Variants in STXBP4 observed in about 807,000 individuals in gnomAD.
The protein encoded by STXBP4 is syntaxin-binding protein 4.
In STXBP4, 55 loss-of-function variants were observed where a neutral mutation model predicts 76.1. The observed-to-expected ratio is 0.72, with a 90% confidence interval of 0.58 to 0.91. STXBP4 has a LOEUF of 0.91. Ranked by LOEUF, STXBP4 falls within the 40% of genes least tolerant of loss-of-function variation. The pLI is 0.00. For synonymous variants in STXBP4, 201 were observed against 220.2 expected (o/e 0.91, Z 0.77); for missense variants, 618 against 636.9 (o/e 0.97, Z 0.32).
chr17:55,104,589 TG>T (rs1183462473), intron 16 of STXBP4, among the ~76,000 whole-genome samples: 1 of 152,060 alleles, frequency 6.6e-6, no homozygotes, highest in East Asian at 1.9e-4. Flanking sequence ...TAAATTTTTT[TG>T]TTGTTGTTGT....
At chr17:55,071,464 C>T (rs745514776) in intron 12 of STXBP4, among the ~76,000 whole-genome samples, 3 of 152,138 alleles carry the variant, frequency 2.0e-5, no homozygotes, top group Admixed American at 6.6e-5. Flanking sequence ...GCAAACTGTT[C>T]GCTCTTCCTA....
chr17:54,995,143 C>A (rs186172916), intron 4 of STXBP4, among the ~76,000 whole-genome samples: 1 of 152,284 alleles, frequency 6.6e-6, no homozygotes, highest in East Asian at 1.9e-4. Context: ...ACTGTGGTGC[C>A]TGACACATAC....
At chr17:55,083,652 C>G (rs1361895806) in intron 16 of STXBP4, among the ~76,000 whole-genome samples, 1 of 152,172 alleles carries the variant, frequency 6.6e-6, no homozygotes, top group Non-Finnish European at 1.5e-5. Context: ...TCTGATGACT[C>G]TACTGGGCTG....
chr17:55,064,597 G>T (rs1175174575), intron 12 of STXBP4, among the ~76,000 whole-genome samples: 2 of 152,072 alleles, frequency 1.3e-5, no homozygotes, highest in African/African-American at 4.8e-5. Flanking sequence ...GGGTTCAAGC[G>T]ATTCTACTGC....
intron 16 of STXBP4, among the ~76,000 whole-genome samples, chr17:55,111,360 G>T (rs189553274): frequency 3.3e-5 from 5 of 152,018 alleles, no homozygotes; most frequent in Non-Finnish European, 7.4e-5. Flanking sequence ...TAGTGTTTTT[G>T]TAGTTCTTTA....
intron 7 of STXBP4, among the ~76,000 whole-genome samples, chr17:55,006,639 T>TA (rs2078012285): frequency 6.6e-6 from 1 of 152,188 alleles, no homozygotes. Flanking sequence ...TGAGAAGATG[T>TA]AGAAAAATGG....
At chr17:55,177,105 C>A (rs1271425980), downstream of STXBP4, among the ~76,000 whole-genome samples, 2 of 152,194 alleles carry the variant, frequency 1.3e-5, no homozygotes, top group African/African-American at 4.8e-5. Flanking sequence ...TCACACAAAC[C>A]AATTCCCATA....
downstream of STXBP4, among the ~76,000 whole-genome samples, chr17:55,178,194 G>A (rs1256402768): frequency 6.6e-6 from 1 of 152,154 alleles, no homozygotes; most frequent in Non-Finnish European, 1.5e-5. Context: ...AAGAAATAAA[G>A]TAGCAAAAGC....
chr17:55,017,685 A>G (rs11079149), intron 8 of STXBP4, among the ~76,000 whole-genome samples: 53,731 of 152,074 alleles, frequency 0.35, 10,553 homozygotes, highest in East Asian at 0.54. Context: ...TCAACTGGCT[A>G]AAGCCGGGAG....
intron 1 of STXBP4, among the ~76,000 whole-genome samples, chr17:54,982,691 G>A (rs1004447413): frequency 2.0e-5 from 3 of 151,714 alleles, no homozygotes; most frequent in Admixed American, 2.0e-4. Flanking sequence ...TTGCAAGTTT[G>A]TATAAAGAGA....
chr17:55,123,844 G>A (rs2079874475), intron 16 of STXBP4, among the ~76,000 whole-genome samples: 1 of 151,530 alleles, frequency 6.6e-6, no homozygotes, highest in South Asian at 2.1e-4. Flanking sequence ...AGGTTGCAGT[G>A]AGCCGAGATT....
intron 12 of STXBP4, among the ~76,000 whole-genome samples, chr17:55,068,650 A>G (rs770610838): frequency 2.6e-5 from 4 of 152,132 alleles, no homozygotes; most frequent in East Asian, 1.9e-4. Flanking sequence ...GTGATTATGT[A>G]TATTTTTTCA....
At chr17:55,177,932 C>G (rs1201328666), downstream of STXBP4, among the ~76,000 whole-genome samples, 1 of 152,194 alleles carries the variant, frequency 6.6e-6, no homozygotes, top group East Asian at 1.9e-4. Flanking sequence ...ATTATGGCAA[C>G]CTGGAGTTGT....
At chr17:55,194,857 T>C in the STXBP4 span, among the ~76,000 whole-genome samples, 1 of 152,148 alleles carries the variant, frequency 6.6e-6, no homozygotes, top group African/African-American at 2.4e-5. Flanking sequence ...ACCATTTACA[T>C]AGAAGATCAT....
At chr17:55,133,328 G>A in intron 16 of STXBP4, among the ~76,000 whole-genome samples, 1 of 152,146 alleles carries the variant, frequency 6.6e-6, no homozygotes, top group South Asian at 2.1e-4. Context: ...GGGGAGAGCT[G>A]AGAGGCGAGG....
chr17:55,110,857 T>C (rs2079703946), intron 16 of STXBP4, among the ~76,000 whole-genome samples: 1 of 152,218 alleles, frequency 6.6e-6, no homozygotes, highest in Admixed American at 6.5e-5. Context: ...GACTTGGTTA[T>C]AGACTGTCTT....
At chr17:55,141,179 C>A in intron 16 of STXBP4, 131 bp from the exon 17 acceptor site, 1 of 726,110 alleles carries the variant, frequency 1.4e-6, no homozygotes, top group Non-Finnish European at 2.3e-6. Flanking sequence ...TCTTAATTCC[C>A]CCTTTCTAGA....
intron 16 of STXBP4, among the ~76,000 whole-genome samples, chr17:55,138,929 C>G (rs1404998810): frequency 2.6e-5 from 4 of 152,010 alleles, no homozygotes; most frequent in African/African-American, 4.8e-5. Flanking sequence ...TCATTTTAGT[C>G]TCTAGGTCTG....
chr17:55,062,413 A>G (rs2079005071), intron 12 of STXBP4, among the ~76,000 whole-genome samples: 1 of 152,158 alleles, frequency 6.6e-6, no homozygotes, highest in African/African-American at 2.4e-5. Flanking sequence ...TTCAAAGGAC[A>G]TGCACTCATC....
Sources: allele counts gnomAD v4.1 joint callset (sites outside exome capture counted in the v4.1 genomes callset), GRCh38; gene constraint gnomAD v4.1.1; transcripts MANE v1.5; gene names NCBI Gene and HGNC (gene_info 2026-07-23, HGNC 2026-07-21).